Variants in DOCK5 observed in about 807,000 individuals in gnomAD.
The protein encoded by DOCK5 is dedicator of cytokinesis 5.
Under a neutral mutation model 251.8 loss-of-function variants are expected in DOCK5, and 142 were observed. That is an observed-to-expected ratio of 0.56 (90% CI 0.49 to 0.65). The LOEUF is 0.65. Among genes scored for constraint, DOCK5 ranks in the 30% least tolerant of loss-of-function variants. The pLI is 0.00. For missense variants in DOCK5, 2,111 were observed against 2,312.3 expected (o/e 0.91, Z 1.79); for synonymous variants, 842 against 835.5 (o/e 1.01, Z -0.13).
At chr8:25,357,809 C>T (rs1403725287) in intron 27 of DOCK5, among the ~76,000 whole-genome samples, 1 of 152,142 alleles carries the variant, frequency 6.6e-6, no homozygotes, top group Non-Finnish European at 1.5e-5. Flanking sequence ...GTATGTTCAT[C>T]TGTCCTGTGC....
intron 11 of DOCK5, among the ~76,000 whole-genome samples, chr8:25,306,703 T>A (rs59920972): frequency 0.097 from 13,862 of 142,916 alleles, 730 homozygotes; most frequent in South Asian, 0.22. Context: ...GAAAAAAAAA[T>A]AAATAAATAA....
At chr8:25,380,094 G>A (rs536562856) in intron 38 of DOCK5, among the ~76,000 whole-genome samples, 4 of 152,294 alleles carry the variant, frequency 2.6e-5, no homozygotes, top group South Asian at 4.1e-4. Flanking sequence ...TACAGAAGAC[G>A]CCCCTGGCAA....
chr8:25,347,750 T>C (rs976165873), intron 26 of DOCK5, among the ~76,000 whole-genome samples: 6 of 152,220 alleles, frequency 3.9e-5, no homozygotes, highest in Non-Finnish European at 7.3e-5. Context: ...ACTCTGCAGC[T>C]ATTTGTCCTT....
intron 2 of DOCK5, among the ~76,000 whole-genome samples, chr8:25,265,719 A>G (rs142529916): frequency 3.3e-5 from 5 of 151,996 alleles, no homozygotes; most frequent in Admixed American, 3.3e-4. Flanking sequence ...GAATGACTGC[A>G]TGTAGCGAGG....
chr8:25,295,779 G>A (rs1319075016), intron 6 of DOCK5, among the ~76,000 whole-genome samples: 1 of 152,082 alleles, frequency 6.6e-6, no homozygotes. Context: ...ATCAATCAAT[G>A]TTTGTGAAGT....
intron 42 of DOCK5, among the ~76,000 whole-genome samples, chr8:25,391,368 AC>A (rs1402143733): frequency 5.3e-5 from 8 of 151,990 alleles, no homozygotes; most frequent in African/African-American, 1.7e-4. Flanking sequence ...GGCCACATAT[AC>A]CTTTTAAAAT....
At chr8:25,353,542 C>T (rs1800509356) in intron 27 of DOCK5, among the ~76,000 whole-genome samples, 1 of 151,664 alleles carries the variant, frequency 6.6e-6, no homozygotes, top group Non-Finnish European at 1.5e-5. Context: ...ATCTTTAGAA[C>T]AGTCAGATTG....
At position 25,184,860 on chromosome 8, in the gene DOCK5, G is replaced by A. The variant is rs779565296; in HGVS notation, c.-49G>A. Reference sequence around the variant, plus strand: ...CGGGGCGGCGGCGGCCGGAGCCCGAGGAGCTGTAGCAGCCTTAGTCGCCGC... The same window carrying A: ...CGGGGCGGCGGCGGCCGGAGCCCGAAGAGCTGTAGCAGCCTTAGTCGCCGC... On this transcript the variant is annotated 5_prime_UTR_variant, in exon 1 of 52. Coordinates refer to ENST00000276440, the MANE Select transcript of DOCK5 (RefSeq NM_024940.8). 5.3e-5 allele frequency: 69 copies of A among 1,299,770 alleles called. No homozygotes were observed. Among genetic ancestry groups the A allele is most frequent in the Non-Finnish European group, 6.5e-5 (66 of 1,018,106 alleles). 80.5% of individuals were successfully genotyped at this position (1,299,770 alleles called of 1,614,324 possible).
chr8:25,292,046 G>T lies in DOCK5; in HGVS notation c.344G>T (p.Arg115Leu), dbSNP rs764175983. The T allele has an allele frequency of 1.0e-5, 16 of 1,597,656 alleles. No homozygotes were observed. The highest frequency in any genetic ancestry group is 1.2e-5 in the Non-Finnish European group (14 of 1,172,262). Residue 115 changes from arginine (R) to leucine (L), a missense_variant, in exon 6 of 52, where the codon CGC (arginine) becomes CTC (leucine). Physicochemically the swap from Arg to Leu is moderately radical, Grantham distance 102 (BLOSUM62 -2). This residue lies in a region of DOCK5 where 335 missense variants were observed against 324.9 expected (regional missense o/e 1.03). Coordinates refer to ENST00000276440, the MANE Select transcript of DOCK5 (RefSeq NM_024940.8). The part of the protein sequence containing the change: ...LYVNNKLTLF[R>L]QLQQMTYSLI... The stretch of plus-strand genomic sequence containing the variant: ...TAGAACAACAAGCTCACCCTCTTCC[G>T]CCAGCTGCAGCAGATGACGTACAGC...
chr8:25,381,389 C>T (rs1209592198), intron 39 of DOCK5, among the ~76,000 whole-genome samples: 3 of 152,082 alleles, frequency 2.0e-5, no homozygotes, highest in African/African-American at 7.2e-5. Context: ...CTTTGGGAGG[C>T]CAAGGCAGAT....
chr8:25,214,654 A>C (rs6557825), intron 1 of DOCK5, among the ~76,000 whole-genome samples: 151,633 of 152,270 alleles, frequency 1, 75,500 homozygotes, highest in East Asian at 1. Flanking sequence ...TTAAAGTGTG[A>C]CTTAAATGCC....
At chr8:25,381,797 T>C (rs1801072181) in intron 39 of DOCK5, among the ~76,000 whole-genome samples, 1 of 152,104 alleles carries the variant, frequency 6.6e-6, no homozygotes, top group Admixed American at 6.5e-5. Context: ...CTCAAAGCTG[T>C]CCACGTCTGG....
intron 45 of DOCK5, among the ~76,000 whole-genome samples, chr8:25,399,220 T>C (rs1801396249): frequency 6.6e-6 from 1 of 152,198 alleles, no homozygotes; most frequent in East Asian, 1.9e-4. Context: ...ATAAGGCCTG[T>C]GTTTGGAATT....
At chr8:25,205,808 C>G (rs1227623297) in intron 1 of DOCK5, among the ~76,000 whole-genome samples, 1 of 152,174 alleles carries the variant, frequency 6.6e-6, no homozygotes, top group Non-Finnish European at 1.5e-5. Flanking sequence ...TTCACCGATT[C>G]ACCAGGTATC....
At chr8:25,408,530 T>C (rs1352156415) in intron 49 of DOCK5, among the ~76,000 whole-genome samples, 1 of 152,198 alleles carries the variant, frequency 6.6e-6, no homozygotes, top group Non-Finnish European at 1.5e-5. Context: ...CACCTTTTCC[T>C]GAGAATCAGG....
intron 1 of DOCK5, among the ~76,000 whole-genome samples, chr8:25,198,912 T>G (rs1801801085): frequency 6.6e-6 from 1 of 152,190 alleles, no homozygotes; most frequent in Non-Finnish European, 1.5e-5. Flanking sequence ...TCTCCTGGGT[T>G]TTTTCCAGGT....
chr8:25,335,806 A>G (rs571195315), intron 21 of DOCK5, among the ~76,000 whole-genome samples: 1 of 152,222 alleles, frequency 6.6e-6, no homozygotes, highest in South Asian at 2.1e-4. Flanking sequence ...ATCTGGCTCC[A>G]TATTGATGGA....
chr8:25,404,068 A>T (rs888883419), intron 48 of DOCK5, among the ~76,000 whole-genome samples: 2 of 152,154 alleles, frequency 1.3e-5, no homozygotes, highest in Non-Finnish European at 2.9e-5. Context: ...TATCACAAAA[A>T]ATCTCCCTTT....
chr8:25,252,811 CTT>C (rs1803306735), intron 2 of DOCK5, among the ~76,000 whole-genome samples: 1 of 152,130 alleles, frequency 6.6e-6, no homozygotes, highest in Non-Finnish European at 1.5e-5. Flanking sequence ...TTTCAGTATG[CTT>C]CTAAAATTCT....
Sources: allele counts gnomAD v4.1 joint callset (sites outside exome capture counted in the v4.1 genomes callset), GRCh38; gene constraint gnomAD v4.1.1; regional missense constraint gnomAD v4.1.1; transcripts MANE v1.5; gene names NCBI Gene and HGNC (gene_info 2026-07-23, HGNC 2026-07-21).